The following HDX variants were observed in gnomAD, a reference collection of about 807,000 sequenced individuals.
HDX encodes chromosome X open reading frame 43.
HDX carries 19 observed loss-of-function variants against 45.2 expected under a neutral mutation model. The ratio of observed to expected loss-of-function variants is 0.42; its 90% confidence interval spans 0.29 to 0.62. HDX has a LOEUF of 0.62. Among genes scored for constraint, HDX ranks in the 20% least tolerant of loss-of-function variants. The probability of loss-of-function intolerance (pLI) is 0.20; values close to 1 mark genes in which losing one functional copy is unlikely to be tolerated. For missense variants in HDX, 532 were observed against 493.9 expected, an observed-to-expected ratio of 1.08 and a Z score of -0.73; for synonymous variants, 188 against 172.8, an observed-to-expected ratio of 1.09 and a Z score of -0.69.
chrX:84,468,214 T>C (rs2040388814), intron 4 of HDX, among the ~76,000 whole-genome samples: 1 of 111,715 alleles, frequency 9.0e-6, no homozygotes, highest in African/African-American at 3.3e-5. Flanking sequence ...AAGCTCTCAT[T>C]TCCAGAACAA....
Position 84,321,770 on chromosome X carries a change from C to T in HDX, c.*119G>A. On this transcript the variant is annotated 3_prime_UTR_variant, in exon 11 of 11. Transcript: ENST00000373177. ...CTTGTACATTCTTCACAGAATACGT[C>T]CGTTTCAACAATGTGTTTTCCCAAC... 2.0e-6 allele frequency: 1 copy of T among 511,022 alleles called. No homozygotes were observed. Among genetic ancestry groups the T allele is most frequent in the Non-Finnish European group, 3.1e-6 (1 of 321,954 alleles). 42.1% of individuals were successfully genotyped at this position (511,022 alleles called of 1,213,427 possible). A position where few individuals can be genotyped will look rare whatever the true frequency, so the allele number is the denominator to read the frequency against.
chrX:84,352,642 A>G (rs1360023604), intron 6 of HDX, among the ~76,000 whole-genome samples: 1 of 111,592 alleles, frequency 9.0e-6, no homozygotes, highest in Non-Finnish European at 1.9e-5. Context: ...GTCCAATTAT[A>G]CTTTTAGTGA....
rs1034021256 is a variant in HDX at position 84,318,151 on chromosome X, T to A, written c.*3738A>T. On this transcript the variant is annotated 3_prime_UTR_variant, in exon 11 of 11. Coordinates refer to ENST00000373177, the MANE Select transcript of HDX (RefSeq NM_001177479.2). ...TTTACTCTTTTTTCCCCCTAGCAAATCTGTTCTTAATCAAAGTTTGTTTTC... is the reference window on the plus strand; with the variant it reads ...TTTACTCTTTTTTCCCCCTAGCAAAACTGTTCTTAATCAAAGTTTGTTTTC... 9.0e-6 allele frequency: 1 copy of A among 110,863 alleles called. No individual in the cohort carries two copies. The highest frequency in any genetic ancestry group is 1.9e-5 in the Non-Finnish European group (1 of 52,492). 9.1% of individuals were successfully genotyped at this position (110,863 alleles called of 1,213,427 possible).
intron 6 of HDX, among the ~76,000 whole-genome samples, chrX:84,348,851 C>T (rs1165062586): frequency 9.0e-6 from 1 of 111,676 alleles, no homozygotes; most frequent in Non-Finnish European, 1.9e-5. Flanking sequence ...ATAGGTTAGG[C>T]TCTGGTAAAA....
At chrX:84,443,647 T>C (rs1466012387) in intron 4 of HDX, among the ~76,000 whole-genome samples, 1 of 111,881 alleles carries the variant, frequency 8.9e-6, no homozygotes, top group Non-Finnish European at 1.9e-5. Context: ...ACAGCCCCAA[T>C]TGAACATTCA....
intron 9 of HDX, among the ~76,000 whole-genome samples, chrX:84,331,090 T>C (rs2036833714): frequency 9.0e-6 from 1 of 111,623 alleles, no homozygotes; most frequent in Non-Finnish European, 1.9e-5. Flanking sequence ...AGAGCTTTGA[T>C]CTCTGAGCAA....
At chrX:84,395,697 G>A (rs1043477125) in intron 5 of HDX, among the ~76,000 whole-genome samples, 2 of 110,823 alleles carry the variant, frequency 1.8e-5, no homozygotes, top group Non-Finnish European at 3.8e-5. Flanking sequence ...TACCTCCTGG[G>A]ACTCCACAAA....
rs1323460457 is a variant in HDX, at chrX:84,344,291, T to C, written c.1619A>G (p.Asn540Ser). The C allele has an allele frequency of 8.3e-7, 1 of 1,208,426 alleles. No homozygotes were observed. ...GPEVGEDNDR[N>S]DEVSICLSEG... ...AGACAAACAGATGGATACTTCATCA[T>C]TTCTGTCATTATCCTCTCCTACTTC... Residue 540 changes from asparagine to serine, a missense_variant, in exon 7 of 11, where the codon AAT becomes AGT. Transcript: ENST00000373177.
At chrX:84,343,665 T>G (rs2147798877) in intron 7 of HDX, among the ~76,000 whole-genome samples, 1 of 111,329 alleles carries the variant, frequency 9.0e-6, no homozygotes, top group Non-Finnish European at 1.9e-5. Flanking sequence ...AAGAGAATCC[T>G]ATCTATGCTT....
intron 9 of HDX, among the ~76,000 whole-genome samples, chrX:84,329,512 T>C (rs1387597447): frequency 8.9e-6 from 1 of 111,791 alleles, no homozygotes; most frequent in African/African-American, 3.2e-5. Context: ...AAAAGACTTA[T>C]ACATCAATAT....
chrX:84,444,144 A>G (rs1199041731), intron 4 of HDX, among the ~76,000 whole-genome samples: 3 of 110,092 alleles, frequency 2.7e-5, no homozygotes, highest in Non-Finnish European at 5.7e-5. Flanking sequence ...CTTTTAGGGG[A>G]AAAAAAAGAA....
intron 5 of HDX, among the ~76,000 whole-genome samples, chrX:84,401,247 A>G (rs757184547): frequency 8.9e-6 from 1 of 112,322 alleles, no homozygotes; most frequent in Non-Finnish European, 1.9e-5. Flanking sequence ...AAAATAAGTT[A>G]TCATCAGAGT....
Position 84,344,419 on chromosome X carries a change from C to G in HDX, c.1491G>C (p.Met497Ile). ...CTCTTGGAGGTGGAACTTCAATCCC[C>G]ATTAAACGATATTTCCTTCTTCGAT... ...IGNRRRKYRL[M>I]GIEVPPPRGG... Residue 497 changes from methionine to isoleucine, a missense_variant, in exon 7 of 11, where the codon ATG becomes ATC. Around this residue, in one of 3 missense-constraint regions of HDX, gnomAD observed 151 missense variants for 131.8 expected, o/e 1.15. Coordinates refer to ENST00000373177, the MANE Select transcript of HDX (RefSeq NM_001177479.2). 8.3e-7 allele frequency: 1 copy of G among 1,205,312 alleles called. No homozygotes were observed. The highest frequency in any genetic ancestry group is 1.1e-6 in the Non-Finnish European group (1 of 890,427).
intron 4 of HDX, among the ~76,000 whole-genome samples, chrX:84,453,870 C>T (rs1193953464): frequency 2.7e-5 from 3 of 111,973 alleles, no homozygotes; most frequent in African/African-American, 9.7e-5. Flanking sequence ...TGTCTTGCAA[C>T]TTTGATAACA....
intron 5 of HDX, among the ~76,000 whole-genome samples, chrX:84,417,290 A>C (rs1417937109): frequency 1.8e-5 from 2 of 112,125 alleles, no homozygotes; most frequent in African/African-American, 6.5e-5. Context: ...ATAAGCACAG[A>C]TTTAAAAATG....
In HDX at chrX:84,468,751, C is replaced by T. The variant is rs1224908435; in HGVS notation, c.972G>A (p.Ser324=). Residue 324 remains serine (S), a synonymous_variant, in exon 4 of 11, where the codon TCG becomes TCA. Transcript: ENST00000373177. The stretch of plus-strand genomic sequence containing the variant: ...GGGAACTGCCACTTTCATAAAATCT[C>T]GAATAGCTTGGTATCTGTGCTCTCA... The part of the protein sequence containing the change: ...ASMRAQIPSY[S]RFYESGSSLR... 1 of 1,211,585 alleles carries T rather than the reference C, an allele frequency of 8.3e-7. No individual in the cohort carries two copies. Among genetic ancestry groups the T allele is most frequent in the Admixed American group, 2.2e-5 (1 of 45,999 alleles).
chrX:84,473,146 CTTT>C (rs1468355210), intron 3 of HDX, among the ~76,000 whole-genome samples: 2 of 108,643 alleles, frequency 1.8e-5, no homozygotes, highest in South Asian at 3.9e-4. Context: ...ATATCTCCTT[CTTT>C]GTTTTCTTGT....
chrX:84,387,186 G>A (rs1416996948), intron 5 of HDX, among the ~76,000 whole-genome samples: 6 of 111,884 alleles, frequency 5.4e-5, no homozygotes, highest in African/African-American at 9.7e-5. Context: ...ATTGCACTAC[G>A]GACTGAGAGT....
At chrX:84,323,300 C>T (rs1449251938) in intron 10 of HDX, among the ~76,000 whole-genome samples, 1 of 111,166 alleles carries the variant, frequency 9.0e-6, no homozygotes, top group African/African-American at 3.3e-5. Context: ...AGTAATAGGA[C>T]ACGGAGCCAT....
Sources: gnomAD v4.1 joint callset for allele counts (sites outside exome capture counted in the v4.1 genomes callset) on GRCh38, gnomAD v4.1.1 for gene constraint, gnomAD v4.1.1 regional missense constraint, MANE v1.5 for transcripts, NCBI Gene and HGNC (gene_info 2026-07-23, HGNC 2026-07-21) for gene names.